SYNPR: variants seen among roughly 807,000 people sequenced by gnomAD.
SYNPR encodes the protein synaptoporin.
A neutral mutation model predicts 32.9 loss-of-function variants in SYNPR; 23 were observed. That is an observed-to-expected ratio of 0.70 (90% CI 0.50 to 0.99). SYNPR has a LOEUF of 0.99. Ranked by LOEUF, SYNPR falls within the 50% of genes least tolerant of loss-of-function variation. The probability of loss-of-function intolerance (pLI) is 0.00; values close to 1 mark genes in which losing one functional copy is unlikely to be tolerated. For missense variants in SYNPR, 318 were observed against 349.3 expected (o/e 0.91, Z 0.71); for synonymous variants, 146 against 135.9 (o/e 1.07, Z -0.52).
chr3:63,521,661 G>A lies in SYNPR; in HGVS notation c.210-34882G>A, dbSNP rs111953565. ...TGCTCCTGCAGCCAATACTCTGGAG[G>A]CAATATGCAAAGTGGTTCAGGAAAC... On this transcript the variant is annotated intron_variant, in intron 3 of 5. Transcript: ENST00000478300. Among the ~76,000 whole-genome samples the A allele has an allele frequency of 5.7e-3, 866 of 152,274 alleles. 9 individuals are homozygous for A. The highest frequency in any genetic ancestry group is 0.019 in the African/African-American group (799 of 41,556).
intron 2 of SYNPR, among the ~76,000 whole-genome samples, chr3:63,335,113 G>T (rs2087272228): frequency 1.3e-5 from 2 of 152,178 alleles, no homozygotes; most frequent in Admixed American, 6.5e-5. Context: ...CCAGCACTTT[G>T]GGAGGCCGAG....
At chr3:63,571,044 G>A (rs1299295915) in intron 4 of SYNPR, among the ~76,000 whole-genome samples, 2 of 152,098 alleles carry the variant, frequency 1.3e-5, no homozygotes, top group Non-Finnish European at 2.9e-5. Flanking sequence ...CATCATGACT[G>A]TTACAGTTTA....
intron 3 of SYNPR, among the ~76,000 whole-genome samples, chr3:63,500,639 TAAAA>T (rs1322935816): frequency 1.3e-5 from 2 of 152,230 alleles, no homozygotes; most frequent in Non-Finnish European, 2.9e-5. Flanking sequence ...GCTGGCATTT[TAAAA>T]CCAAAAAGAA....
chr3:63,201,493 A>G, the SYNPR span, among the ~76,000 whole-genome samples: 1 of 152,184 alleles, frequency 6.6e-6, no homozygotes, highest in South Asian at 2.1e-4. Flanking sequence ...TGCATTAATA[A>G]GGATCACTAG....
intron 5 of SYNPR, 42 bp from the exon 6 acceptor site, chr3:63,615,182 T>C: frequency 1.9e-6 from 3 of 1,585,224 alleles, no homozygotes; most frequent in South Asian, 1.2e-5. Flanking sequence ...TTCTTGGGTT[T>C]TTGTCTAGTC....
At chr3:63,333,602 A>G (rs2087253314) in intron 2 of SYNPR, among the ~76,000 whole-genome samples, 1 of 151,996 alleles carries the variant, frequency 6.6e-6, no homozygotes. Context: ...TTTTTTGTAG[A>G]GATGGGAGTC....
upstream of SYNPR, among the ~76,000 whole-genome samples, chr3:63,276,260 AC>A (rs1294720392): frequency 2.0e-5 from 3 of 152,190 alleles, no homozygotes; most frequent in Non-Finnish European, 4.4e-5. Flanking sequence ...ACACATGGCT[AC>A]TGCTGGGTCC....
At chr3:63,292,026 C>T (rs532662588) in intron 2 of SYNPR, among the ~76,000 whole-genome samples, 2 of 152,256 alleles carry the variant, frequency 1.3e-5, no homozygotes, top group South Asian at 4.1e-4. Flanking sequence ...AGGCTAAAAA[C>T]CTGTACAGCA....
At chr3:63,310,368 T>C (rs931497754) in intron 2 of SYNPR, among the ~76,000 whole-genome samples, 19 of 152,020 alleles carry the variant, frequency 1.2e-4, no homozygotes, top group Non-Finnish European at 2.5e-4. Flanking sequence ...ATAACCGCCT[T>C]TAGGTTGGAA....
chr3:63,399,352 G>A (rs1300749514), intron 2 of SYNPR, among the ~76,000 whole-genome samples: 4 of 152,144 alleles, frequency 2.6e-5, no homozygotes, highest in Non-Finnish European at 4.4e-5. Flanking sequence ...TATTCTTGAT[G>A]GACATCACTA....
At chr3:63,484,928 A>G (rs992223798) in intron 3 of SYNPR, among the ~76,000 whole-genome samples, 4 of 152,158 alleles carry the variant, frequency 2.6e-5, no homozygotes, top group Non-Finnish European at 5.9e-5. Context: ...TGAATTCCTT[A>G]TAAGTTGAAT....
chr3:63,269,539 C>T (rs1431464333), intron 3 of SYNPR, among the ~76,000 whole-genome samples: 4 of 151,948 alleles, frequency 2.6e-5, no homozygotes, highest in African/African-American at 9.7e-5. Flanking sequence ...ATGTAACAGC[C>T]ACTCCTCTTT....
At chr3:63,217,682 G>T in the SYNPR span, among the ~76,000 whole-genome samples, 119,042 of 151,314 alleles carry the variant, frequency 0.79, 47,377 homozygotes, top group Middle Eastern at 0.87. Context: ...CGTCGCTCAC[G>T]CTGGGAGCTG....
chr3:63,262,779 G>A (rs570670748), intron 2 of SYNPR, among the ~76,000 whole-genome samples: 1 of 152,286 alleles, frequency 6.6e-6, no homozygotes, highest in Admixed American at 6.5e-5. Flanking sequence ...ACAGACACAA[G>A]GTTCACTACA....
chr3:63,470,441 T>C (rs1390926352), intron 2 of SYNPR, among the ~76,000 whole-genome samples: 1 of 152,130 alleles, frequency 6.6e-6, no homozygotes, highest in Non-Finnish European at 1.5e-5. Flanking sequence ...TCAGGCTTCA[T>C]GTGGAAAAAT....
chr3:63,221,252 C>G, the SYNPR span, among the ~76,000 whole-genome samples: 1 of 151,808 alleles, frequency 6.6e-6, no homozygotes, highest in African/African-American at 2.4e-5. Context: ...TAAGTAAAGT[C>G]ACAGGGTGGA....
intron 4 of SYNPR, among the ~76,000 whole-genome samples, chr3:63,582,812 T>C (rs77270669): frequency 0.038 from 5,794 of 152,124 alleles, 399 homozygotes; most frequent in African/African-American, 0.13. Context: ...CTGGATAATT[T>C]ACTAAACCTC....
the SYNPR span, among the ~76,000 whole-genome samples, chr3:63,204,021 G>T: frequency 3.3e-5 from 5 of 151,982 alleles, no homozygotes; most frequent in Non-Finnish European, 7.4e-5. Flanking sequence ...ACAAAAAAAA[G>T]TTTGCTGGCT....
chr3:63,413,084 A>G, intron 2 of SYNPR, among the ~76,000 whole-genome samples: 1 of 152,220 alleles, frequency 6.6e-6, no homozygotes, highest in East Asian at 1.9e-4. Context: ...GTGTACTATT[A>G]TACTTTATTC....
Sources: gnomAD v4.1 joint callset for allele counts (sites outside exome capture counted in the v4.1 genomes callset) on GRCh38, gnomAD v4.1.1 for gene constraint, MANE v1.5 for transcripts, NCBI Gene and HGNC (gene_info 2026-07-23, HGNC 2026-07-21) for gene names.